The following SLCO3A1 variants were observed in gnomAD, a reference collection of about 807,000 sequenced individuals.
The protein encoded by SLCO3A1 is PGE1 transporter.
A neutral mutation model predicts 63.1 loss-of-function variants in SLCO3A1; 27 were observed. The ratio of observed to expected loss-of-function variants is 0.43; its 90% CI spans 0.32 to 0.59. The LOEUF (loss-of-function observed/expected upper bound fraction) is 0.59. Among genes scored for constraint, SLCO3A1 ranks in the 20% least tolerant of loss-of-function variants. The pLI, the probability that SLCO3A1 is intolerant of heterozygous loss-of-function variation, is 0.09. For synonymous variants in SLCO3A1, 473 were observed against 409.9 expected, an observed-to-expected ratio of 1.15 and a Z score of -1.86; for missense variants, 773 against 945.8, an observed-to-expected ratio of 0.82 and a Z score of 2.40.
chr15:91,926,165 G>A lies in SLCO3A1; in HGVS notation c.646+9707G>A, dbSNP rs911223762. 5.3e-5 allele frequency among the ~76,000 whole-genome samples: 8 copies of A among 152,204 alleles called. No homozygotes were observed. The East Asian group carries it at 9.6e-4, about 18-fold the overall frequency. On this transcript the variant is annotated intron_variant, in intron 2 of 9. Coordinates refer to ENST00000318445, the MANE Select transcript of SLCO3A1 (RefSeq NM_013272.4). ...AAATGAAAGGGGCTAGCTTGAAAGCGTTGGCTTAGCTCTTCATTTCGTTAT... is the reference window on the plus strand; with the variant it reads ...AAATGAAAGGGGCTAGCTTGAAAGCATTGGCTTAGCTCTTCATTTCGTTAT...
intron 4 of SLCO3A1, among the ~76,000 whole-genome samples, chr15:92,111,976 T>G (rs1172878723): frequency 6.6e-6 from 1 of 152,230 alleles, no homozygotes; most frequent in African/African-American, 2.4e-5. Flanking sequence ...CAGAACTGTT[T>G]CAGTCACATT....
intron 9 of SLCO3A1, among the ~76,000 whole-genome samples, chr15:92,152,309 G>C (rs905975680): frequency 2.0e-5 from 3 of 152,148 alleles, no homozygotes; most frequent in East Asian, 3.8e-4. Flanking sequence ...TTCCTTCTCC[G>C]TCTATAGCAA....
At position 92,022,818 on chromosome 15, in the gene SLCO3A1, A is replaced by G. The variant is rs565153513; in HGVS notation, c.647-72063A>G. The stretch of plus-strand genomic sequence containing the variant: ...ATCTGCACCAGGGCTTCAAGAGTTG[A>G]CAGGAGGCTTCCCAGGAAGAAGAAG... On this transcript the variant is annotated intron_variant, in intron 2 of 9. Transcript: ENST00000318445. Among the ~76,000 whole-genome samples the G allele has an allele frequency of 3.5e-4, 54 of 152,160 alleles. 1 individual carries two copies. The highest frequency in any genetic ancestry group is 3.5e-3 in the East Asian group (18 of 5,174).
At chr15:91,946,707 C>T (rs1899818054) in intron 2 of SLCO3A1, among the ~76,000 whole-genome samples, 1 of 152,136 alleles carries the variant, frequency 6.6e-6, no homozygotes, top group African/African-American at 2.4e-5. Context: ...CTAAATATGT[C>T]TATGATGCAG....
rs1311216098 is a variant in SLCO3A1 at position 91,950,179 on chromosome 15, C to T, written c.646+33721C>T. ...AGAAAGTTGTAACAGGCAGAGGAAG[C>T]AGCTGGAATGAGGTAGGGAGGCCTG... On this transcript the variant is annotated intron_variant, in intron 2 of 9. Coordinates refer to ENST00000318445, the MANE Select transcript of SLCO3A1 (RefSeq NM_013272.4). This position sits in a 1 kb window ranked among gnomAD's most constrained non-coding sequence, Gnocchi z 4.4. Among the ~76,000 whole-genome samples the T allele has an allele frequency of 6.6e-6, 1 of 152,186 alleles. No individual in the cohort carries two copies. The highest frequency in any genetic ancestry group is 2.4e-5 in the African/African-American group (1 of 41,442).
At chr15:91,963,416 G>GT (rs1900533767) in intron 2 of SLCO3A1, among the ~76,000 whole-genome samples, 14 of 133,592 alleles carry the variant, frequency 1.0e-4, no homozygotes, top group East Asian at 7.8e-4. Flanking sequence ...GGTGGGGGGG[G>GT]GGGGCGGCAG....
At chr15:91,879,861 G>C (rs1267182583) in intron 1 of SLCO3A1, among the ~76,000 whole-genome samples, 1 of 152,160 alleles carries the variant, frequency 6.6e-6, no homozygotes, top group African/African-American at 2.4e-5. Context: ...GATTCCTGAA[G>C]AGGATCCCAT....
At chr15:92,107,690 G>A (rs1785721813) in intron 4 of SLCO3A1, among the ~76,000 whole-genome samples, 2 of 152,178 alleles carry the variant, frequency 1.3e-5, no homozygotes, top group Admixed American at 1.3e-4. Flanking sequence ...CCCCTGCCAT[G>A]CTCTGCAGAC....
intron 2 of SLCO3A1, among the ~76,000 whole-genome samples, chr15:91,935,188 G>A (rs1358054552): frequency 3.3e-5 from 5 of 152,142 alleles, no homozygotes; most frequent in Admixed American, 6.5e-5. Flanking sequence ...TCTTGACTTC[G>A]TGATCTGCCC....
At chr15:92,057,309 G>C (rs1313817846) in intron 2 of SLCO3A1, among the ~76,000 whole-genome samples, 1 of 152,226 alleles carries the variant, frequency 6.6e-6, no homozygotes, top group East Asian at 1.9e-4. Flanking sequence ...ACTGAGCAAA[G>C]GGATCTCAGG....
At chr15:92,124,319 C>T (rs538128827) in intron 5 of SLCO3A1, among the ~76,000 whole-genome samples, 1 of 152,272 alleles carries the variant, frequency 6.6e-6, no homozygotes, top group East Asian at 1.9e-4. Context: ...AAGGACAGCA[C>T]ATACATCAGG....
chr15:92,038,110 T>C (rs1177715229), intron 2 of SLCO3A1, among the ~76,000 whole-genome samples: 4 of 152,186 alleles, frequency 2.6e-5, no homozygotes, highest in Non-Finnish European at 4.4e-5. Context: ...GTTCAGGTGT[T>C]TGTTTCTCTA....
intron 2 of SLCO3A1, among the ~76,000 whole-genome samples, chr15:91,959,945 T>C (rs572087920): frequency 6.6e-6 from 1 of 152,194 alleles, no homozygotes; most frequent in Admixed American, 6.5e-5. Context: ...ATTTGCCCAT[T>C]CTTAACATTT....
chr15:91,993,980 T>C (rs368233791), intron 2 of SLCO3A1, among the ~76,000 whole-genome samples: 10 of 152,306 alleles, frequency 6.6e-5, no homozygotes, highest in African/African-American at 1.7e-4. Flanking sequence ...GAAGCAGGTC[T>C]TCCAGCCCCA....
intron 2 of SLCO3A1, among the ~76,000 whole-genome samples, chr15:92,056,409 T>C (rs2047022333): frequency 6.6e-6 from 1 of 152,200 alleles, no homozygotes; most frequent in African/African-American, 2.4e-5. Flanking sequence ...TAGTCTCTCT[T>C]GGGCCAGAGC....
rs946518329 is a variant in SLCO3A1 at position 91,854,583 on chromosome 15, A to G, written c.180+495A>G. On this transcript the variant is annotated intron_variant, in intron 1 of 9. Coordinates refer to ENST00000318445, the MANE Select transcript of SLCO3A1 (RefSeq NM_013272.4). The surrounding 1 kb of genome is among the most constrained non-coding windows in gnomAD (Gnocchi z 6.4). ...CTCCGGGCGCTTTCTACATCCGCCA[A>G]TTACAGGGGGATATAACAGCTTAGA... is the stretch of plus-strand genomic sequence containing the variant. Among the ~76,000 whole-genome samples, 5 of 152,044 alleles carry G rather than the reference A, an allele frequency of 3.3e-5. No individual in the cohort carries two copies. The highest frequency in any genetic ancestry group is 3.2e-3 in the Middle Eastern group (1 of 316).
chr15:92,100,464 C>T (rs1203198717), intron 3 of SLCO3A1, among the ~76,000 whole-genome samples: 1 of 152,186 alleles, frequency 6.6e-6, no homozygotes, highest in Admixed American at 6.5e-5. Flanking sequence ...GTTTTGTTGG[C>T]AATTGAATGC....
At position 92,163,358 on chromosome 15, in the gene SLCO3A1, G is replaced by C; in HGVS notation, c.*223G>C. 8.4e-7 allele frequency: 1 copy of C among 1,188,512 alleles called. No homozygotes were observed. Among genetic ancestry groups the C allele is most frequent in the Non-Finnish European group, 1.0e-6 (1 of 961,776 alleles). The allele number at this position is 1,188,512 out of a possible 1,614,324, so 73.6% of individuals were successfully genotyped here. A position where few individuals can be genotyped will look rare whatever the true frequency, so the allele number is the denominator to read the frequency against. ...GACATCGTGCGGCAGGGTCCTGGAG[G>C]CCACTTGCGCGGCTGGGCCACAGAG... On this transcript the variant is annotated 3_prime_UTR_variant, in exon 10 of 10. Transcript: ENST00000318445.
intron 2 of SLCO3A1, among the ~76,000 whole-genome samples, chr15:92,049,405 G>A (rs2151495635): frequency 6.6e-6 from 1 of 152,312 alleles, no homozygotes; most frequent in Middle Eastern, 3.4e-3. Context: ...GGTGACGGAA[G>A]GAAGTGACTG....
Sources: gnomAD v4.1 joint callset for allele counts (sites outside exome capture counted in the v4.1 genomes callset) on GRCh38, gnomAD v4.1.1 for gene constraint, Gnocchi (gnomAD v3.1) non-coding constraint, MANE v1.5 for transcripts, NCBI Gene and HGNC (gene_info 2026-07-23, HGNC 2026-07-21) for gene names.